The following LHFPL2 variants were observed in gnomAD, a reference collection of about 807,000 sequenced individuals.
LHFPL2 encodes LHFPL tetraspan subfamily member 2, also known as LHFPL tetraspan subfamily member 2 protein.
Under a neutral mutation model 17.5 loss-of-function variants are expected in LHFPL2, and 7 were observed. The observed-to-expected ratio is 0.40, with a 90% CI of 0.23 to 0.75. The LOEUF is 0.75. LHFPL2 is among the 30% of genes least tolerant of loss of function. The probability of loss-of-function intolerance (pLI) is 0.37; values close to 1 mark genes in which losing one functional copy is unlikely to be tolerated. For synonymous variants in LHFPL2, 134 were observed against 116.2 expected (o/e 1.15, Z -0.99); for missense variants, 241 against 294.8 (o/e 0.82, Z 1.34).
At chr5:78,582,846 A>T (rs987003038) in intron 2 of LHFPL2, among the ~76,000 whole-genome samples, 5 of 151,812 alleles carry the variant, frequency 3.3e-5, no homozygotes, top group Non-Finnish European at 5.9e-5. Flanking sequence ...ATCCTTGTTG[A>T]CTTTCTGTCT....
At chr5:78,607,167 A>G (rs535802396) in intron 2 of LHFPL2, among the ~76,000 whole-genome samples, 1 of 151,740 alleles carries the variant, frequency 6.6e-6, no homozygotes, top group East Asian at 2.0e-4. Flanking sequence ...CTGGAGTGTA[A>G]TGGCATGATC....
intron 3 of LHFPL2, among the ~76,000 whole-genome samples, chr5:78,512,717 G>A (rs1755172277): frequency 1.3e-5 from 2 of 150,748 alleles, no homozygotes; most frequent in African/African-American, 2.4e-5. Context: ...TTACTGTTAT[G>A]CACAATCTCT....
At chr5:78,618,801 C>G (rs1413302771) in intron 2 of LHFPL2, among the ~76,000 whole-genome samples, 1 of 152,212 alleles carries the variant, frequency 6.6e-6, no homozygotes, top group Non-Finnish European at 1.5e-5. Context: ...CTAAAGGTAA[C>G]ATGCACTGAG....
chr5:78,497,356 C>A (rs947263759), intron 4 of LHFPL2, among the ~76,000 whole-genome samples: 36 of 152,316 alleles, frequency 2.4e-4, no homozygotes, highest in Non-Finnish European at 2.2e-4. Flanking sequence ...CTCACTATTC[C>A]AGCATACCCC....
intron 3 of LHFPL2, among the ~76,000 whole-genome samples, chr5:78,525,808 G>C (rs1485264702): frequency 1.3e-5 from 2 of 152,222 alleles, no homozygotes; most frequent in Non-Finnish European, 2.9e-5. Flanking sequence ...GTGAGAGCTG[G>C]TGAGTATCTA....
chr5:78,632,905 G>C (rs572063820), intron 1 of LHFPL2, among the ~76,000 whole-genome samples: 64 of 152,186 alleles, frequency 4.2e-4, no homozygotes, highest in Admixed American at 7.9e-4. Context: ...CAAACTAGAG[G>C]GCAAGCAAAG....
intron 3 of LHFPL2, among the ~76,000 whole-genome samples, chr5:78,510,962 T>A (rs957746008): frequency 2.0e-5 from 3 of 150,818 alleles, no homozygotes; most frequent in Admixed American, 1.3e-4. Context: ...AGCAGAGACA[T>A]AAGTGTGTTT....
chr5:78,504,762 A>C (rs201369029), intron 4 of LHFPL2, among the ~76,000 whole-genome samples: 1 of 152,116 alleles, frequency 6.6e-6, no homozygotes, highest in Non-Finnish European at 1.5e-5. Flanking sequence ...CAGGCCCTTC[A>C]CCGCCACTGC....
chr5:78,572,562 T>C (rs960206188), intron 2 of LHFPL2, among the ~76,000 whole-genome samples: 6 of 151,548 alleles, frequency 4.0e-5, no homozygotes, highest in African/African-American at 1.5e-4. Context: ...TAACTAAATA[T>C]ATGAGGACAT....
chr5:78,612,082 A>G (rs1744440503), intron 2 of LHFPL2, among the ~76,000 whole-genome samples: 1 of 152,220 alleles, frequency 6.6e-6, no homozygotes, highest in Non-Finnish European at 1.5e-5. Flanking sequence ...GAGAAACAAA[A>G]TATTACTTTA....
At chr5:78,539,952 C>G (rs934519978) in intron 3 of LHFPL2, among the ~76,000 whole-genome samples, 6 of 152,022 alleles carry the variant, frequency 3.9e-5, no homozygotes, top group Non-Finnish European at 8.8e-5. Context: ...TAGGACCACA[C>G]AGTCGAGCAT....
intron 2 of LHFPL2, among the ~76,000 whole-genome samples, chr5:78,572,789 G>A (rs946468223): frequency 1.8e-4 from 27 of 151,994 alleles, no homozygotes; most frequent in Non-Finnish European, 4.4e-5. Flanking sequence ...CAACCTTTTT[G>A]CCACCAGGGA....
chr5:78,583,749 C>T (rs1743245022), intron 2 of LHFPL2, among the ~76,000 whole-genome samples: 1 of 150,458 alleles, frequency 6.6e-6, no homozygotes, highest in Non-Finnish European at 1.5e-5. Flanking sequence ...GTGAATCTGA[C>T]AATTATGTGT....
At chr5:78,620,743 G>A (rs528215388) in intron 2 of LHFPL2, among the ~76,000 whole-genome samples, 5 of 152,196 alleles carry the variant, frequency 3.3e-5, no homozygotes, top group African/African-American at 1.2e-4. Flanking sequence ...AGCGCAGAAC[G>A]CTATGAGCAC....
intron 3 of LHFPL2, among the ~76,000 whole-genome samples, chr5:78,536,573 TCA>T (rs1403268875): frequency 6.6e-6 from 1 of 152,226 alleles, no homozygotes; most frequent in African/African-American, 2.4e-5. Context: ...GATTTTTACC[TCA>T]CAGTTTCCAC....
chr5:78,610,944 C>G (rs932466193), intron 2 of LHFPL2, among the ~76,000 whole-genome samples: 2 of 151,640 alleles, frequency 1.3e-5, no homozygotes, highest in East Asian at 3.9e-4. Context: ...ATTAACACAA[C>G]ATTTAAGTGT....
At chr5:78,566,802 T>A (rs1561342332) in intron 2 of LHFPL2, among the ~76,000 whole-genome samples, 1 of 152,232 alleles carries the variant, frequency 6.6e-6, no homozygotes, top group Admixed American at 6.5e-5. Flanking sequence ...CTTAATTACT[T>A]GCTAAATTCT....
At chr5:78,600,103 T>C (rs1743961766) in intron 2 of LHFPL2, among the ~76,000 whole-genome samples, 1 of 152,128 alleles carries the variant, frequency 6.6e-6, no homozygotes, top group Non-Finnish European at 1.5e-5. Context: ...GTGAAAATTA[T>C]TTTGAAAGAC....
At chr5:78,509,749 T>TCCATCCCA in intron 4 of LHFPL2, 35 bp downstream of exon 4, 2 of 1,589,528 alleles carry the variant, frequency 1.3e-6, no homozygotes, top group Non-Finnish European at 1.7e-6. Context: ...TCTCCATCCC[T>TCCATCCCA]CCATCCCACC....
Sources: allele counts gnomAD v4.1 joint callset (sites outside exome capture counted in the v4.1 genomes callset), GRCh38; gene constraint gnomAD v4.1.1; transcripts MANE v1.5; gene names NCBI Gene and HGNC (gene_info 2026-07-23, HGNC 2026-07-21).